Variants in PCDH17 observed in about 807,000 individuals in gnomAD.
The protein encoded by PCDH17 is protocadherin 17, also known as protocadherin-17.
Under a neutral mutation model 67.7 loss-of-function variants are expected in PCDH17, and 21 were observed. That is an observed-to-expected ratio of 0.31 (90% confidence interval 0.22 to 0.45). The LOEUF (loss-of-function observed/expected upper bound fraction) is 0.45. Ranked by LOEUF, PCDH17 falls within the 20% of genes least tolerant of loss-of-function variation. The pLI is 1.00. For synonymous variants in PCDH17, 701 were observed against 656.7 expected (o/e 1.07, Z -1.03); for missense variants, 1,471 against 1,564.8 (o/e 0.94, Z 1.01).
chr13:57,634,594 C>T lies in PCDH17; in HGVS notation c.2048C>T (p.Ser683Leu), dbSNP rs938335459. The stretch of plus-strand genomic sequence containing the variant: ...GCAGTGGCCAAGCTCATCATCCGCT[C>T]GGTGAGCGGATCCCTTCCCGAGGGG... ...LSAVAKLIIR[S>L]VSGSLPEGVP... Residue 683 changes from serine (S) to leucine (L), a missense_variant, in exon 1 of 4, where the codon TCG (serine) becomes TTG (leucine). Around this residue, in one of 3 missense-constraint regions of PCDH17, gnomAD observed 1,163 missense variants for 1,230.0 expected, o/e 0.95. Coordinates refer to ENST00000377918, the MANE Select transcript of PCDH17 (RefSeq NM_001040429.3). This position sits in a 1 kb window ranked among gnomAD's most constrained non-coding sequence, Gnocchi z 7.8. 6.2e-7 allele frequency: 1 copy of T among 1,613,328 alleles called. No homozygotes were observed. Among genetic ancestry groups the T allele is most frequent in the Non-Finnish European group, 8.5e-7 (1 of 1,180,006 alleles).
chr13:57,692,966 A>T (rs1377993590), intron 3 of PCDH17, among the ~76,000 whole-genome samples: 1 of 150,996 alleles, frequency 6.6e-6, no homozygotes, highest in African/African-American at 2.4e-5. Flanking sequence ...ATACATAGAT[A>T]TAAGAAGTAT....
chr13:57,641,560 A>AG (rs1954894322), intron 1 of PCDH17, among the ~76,000 whole-genome samples: 2 of 6,214 alleles, frequency 3.2e-4, no homozygotes, highest in Admixed American at 1.5e-3. Flanking sequence ...GTTTGAGAGA[A>AG]AAAAAAAAAA....
At position 57,632,358 on chromosome 13, in the gene PCDH17, G is replaced by A; in HGVS notation, c.-189G>A. 1.6e-6 allele frequency: 1 copy of A among 615,076 alleles called. No individual in the cohort carries two copies. Among genetic ancestry groups the A allele is most frequent in the Non-Finnish European group, 2.8e-6 (1 of 351,226 alleles). The allele number at this position is 615,076 out of a possible 1,614,324, so 38.1% of individuals were successfully genotyped here. ...CAGTGCGGATGCTGTAGATCAACAG[G>A]TTCAGGGAACTTGAGCAGAATAAGG... On this transcript the variant is annotated 5_prime_UTR_variant, in exon 1 of 4. Transcript: ENST00000377918.
chr13:57,721,209 G>A (rs1955869199), intron 3 of PCDH17, among the ~76,000 whole-genome samples: 2 of 152,082 alleles, frequency 1.3e-5, no homozygotes, highest in Admixed American at 1.3e-4. Context: ...GGCAAGGGAT[G>A]CATTCTATGA....
chr13:57,692,358 T>G (rs1955567296), intron 3 of PCDH17, among the ~76,000 whole-genome samples: 1 of 151,296 alleles, frequency 6.6e-6, no homozygotes, highest in South Asian at 2.1e-4. Flanking sequence ...CTGTATTAAT[T>G]TACTTTAAAG....
At chr13:57,656,089 G>A (rs75652787) in intron 1 of PCDH17, among the ~76,000 whole-genome samples, 9,935 of 151,966 alleles carry the variant, frequency 0.065, 448 homozygotes, top group East Asian at 0.25. Flanking sequence ...GAAAAAAAAT[G>A]TAAACAATGC....
At chr13:57,645,025 A>G (rs1246720975) in intron 1 of PCDH17, among the ~76,000 whole-genome samples, 1 of 151,648 alleles carries the variant, frequency 6.6e-6, no homozygotes, top group East Asian at 1.9e-4. Context: ...GTGCAGTAAA[A>G]AATATATTAA....
intron 3 of PCDH17, among the ~76,000 whole-genome samples, chr13:57,709,400 C>G (rs572456598): frequency 6.6e-6 from 1 of 151,618 alleles, no homozygotes; most frequent in African/African-American, 2.4e-5. Context: ...GAGTGTATTT[C>G]TTCCATGGAC....
rs962313436 is a variant in PCDH17 at position 57,725,266 on chromosome 13, G to T, written c.3452G>T (p.Gly1151Val). The change falls in exon 4 of 4, where the codon GGA (glycine) becomes GTA (valine). Residue 1151 changes from glycine to valine, a missense_variant. Physicochemically the swap from Gly to Val is moderately radical, Grantham distance 109 (BLOSUM62 -3). Around this residue, in one of 3 missense-constraint regions of PCDH17, gnomAD observed 297 missense variants for 298.6 expected, o/e 0.99. Transcript: ENST00000377918. ...GATAAGCTTTTGCAAGACTGCCGGG[G>T]AAACGACCCTGTGGCTGTGAGAAAG... is the stretch of plus-strand genomic sequence containing the variant. ...EIDKLLQDCR[G>V]NDPVAVRK The T allele has an allele frequency of 5.0e-6, 8 of 1,608,426 alleles. No homozygotes were observed. The East Asian group carries it at 8.9e-5, about 18-fold the overall frequency.
chr13:57,706,409 G>C (rs1306135209), intron 3 of PCDH17, among the ~76,000 whole-genome samples: 2 of 152,114 alleles, frequency 1.3e-5, no homozygotes, highest in Admixed American at 1.3e-4. Context: ...ATCAGCAGCA[G>C]TGTTTTTATT....
chr13:57,640,308 C>T (rs779837267), intron 1 of PCDH17, among the ~76,000 whole-genome samples: 3 of 151,930 alleles, frequency 2.0e-5, no homozygotes. Context: ...TGAAAATTCA[C>T]ATGCATTTAT....
intron 1 of PCDH17, among the ~76,000 whole-genome samples, chr13:57,646,847 C>A (rs1954971757): frequency 6.6e-6 from 1 of 151,692 alleles, no homozygotes; most frequent in Non-Finnish European, 1.5e-5. Context: ...TGTTAATTCA[C>A]CCTGAAATAT....
chr13:57,707,672 A>T (rs528546770), intron 3 of PCDH17, among the ~76,000 whole-genome samples: 1 of 152,120 alleles, frequency 6.6e-6, no homozygotes. Context: ...GAAATTTATT[A>T]TTTCATAGTT....
intron 3 of PCDH17, among the ~76,000 whole-genome samples, chr13:57,680,153 T>A (rs1027285143): frequency 1.7e-4 from 25 of 151,018 alleles, no homozygotes; most frequent in African/African-American, 4.1e-4. Flanking sequence ...TATATATATA[T>A]AAATATGTAT....
chr13:57,657,272 A>G (rs1014098222), intron 1 of PCDH17, among the ~76,000 whole-genome samples: 1 of 152,154 alleles, frequency 6.6e-6, no homozygotes, highest in Non-Finnish European at 1.5e-5. Context: ...CTCATTTTTA[A>G]TTTAAAGGAA....
At chr13:57,719,575 G>A (rs1170962373) in intron 3 of PCDH17, among the ~76,000 whole-genome samples, 1 of 151,946 alleles carries the variant, frequency 6.6e-6, no homozygotes, top group Non-Finnish European at 1.5e-5. Flanking sequence ...TGAAACTCAG[G>A]GGAGGAAATC....
chr13:57,633,827 C>G lies in PCDH17; in HGVS notation c.1281C>G (p.Asp427Glu), dbSNP rs563864229. Reference protein sequence around the residue: ...NYDNFYTVVTDRPLDRETQDE... With the variant: ...NYDNFYTVVTERPLDRETQDE... ...ACAACTTCTACACGGTGGTGACTGA[C>G]CGCCCGCTGGACCGCGAGACACAAG... Residue 427 changes from aspartate to glutamate, a missense_variant, in exon 1 of 4, where the codon GAC becomes GAG. This residue lies in a region of PCDH17 where 1,163 missense variants were observed against 1,230.0 expected (regional missense o/e 0.95). Transcript: ENST00000377918. The surrounding 1 kb of genome is among the most constrained non-coding windows in gnomAD (Gnocchi z 6.2). 9.9e-5 allele frequency: 159 copies of G among 1,612,300 alleles called. No individual in the cohort carries two copies. In the Admixed American group the frequency reaches 2.5e-3, roughly 25 times the overall value.
At chr13:57,630,867 C>T (rs138099460), upstream of PCDH17, among the ~76,000 whole-genome samples, 367 of 152,320 alleles carry the variant, frequency 2.4e-3, 1 homozygote, top group African/African-American at 7.8e-3. Flanking sequence ...TCCGGCAGAT[C>T]GGAACACCTG....
chr13:57,673,213 A>C (rs191941642), intron 3 of PCDH17, among the ~76,000 whole-genome samples: 1 of 151,984 alleles, frequency 6.6e-6, no homozygotes, highest in Admixed American at 6.6e-5. Context: ...CCTCCAATAA[A>C]ACTTGTTTGT....
Sources: gnomAD v4.1 joint callset for allele counts (sites outside exome capture counted in the v4.1 genomes callset) on GRCh38, gnomAD v4.1.1 for gene constraint, gnomAD v4.1.1 regional missense constraint, Gnocchi (gnomAD v3.1) non-coding constraint, MANE v1.5 for transcripts, NCBI Gene and HGNC (gene_info 2026-07-23, HGNC 2026-07-21) for gene names.